Variants in LRRC7 observed in about 807,000 individuals in gnomAD.
LRRC7 encodes leucine-rich repeat-containing protein 7.
Under a neutral mutation model 175.7 loss-of-function variants are expected in LRRC7, and 23 were observed. The observed-to-expected ratio is 0.13, with a 90% confidence interval of 0.09 to 0.19. LRRC7 has a LOEUF of 0.19. Among genes scored for constraint, LRRC7 ranks in the 10% least tolerant of loss-of-function variants. LRRC7 has a pLI of 1.00. For missense variants in LRRC7, 1,354 were observed against 1,904.7 expected, an observed-to-expected ratio of 0.71 and a Z score of 5.38; for synonymous variants, 685 against 680.9, an observed-to-expected ratio of 1.01 and a Z score of -0.09.
chr1:69,705,047 G>A (rs949324177), intron 2 of LRRC7, among the ~76,000 whole-genome samples: 11 of 151,970 alleles, frequency 7.2e-5, no homozygotes, highest in African/African-American at 1.2e-4. Context: ...AATTATTTCT[G>A]TAAAATGTTT....
chr1:69,706,661 T>G (rs1271944387), intron 2 of LRRC7, among the ~76,000 whole-genome samples: 2 of 152,168 alleles, frequency 1.3e-5, no homozygotes, highest in Non-Finnish European at 2.9e-5. Context: ...GAGATAAGAT[T>G]TAATGATGCA....
At chr1:69,955,831 T>C (rs1385752540) in intron 8 of LRRC7, among the ~76,000 whole-genome samples, 2 of 151,966 alleles carry the variant, frequency 1.3e-5, no homozygotes, top group African/African-American at 4.8e-5. Flanking sequence ...ATAAATATTA[T>C]AATTTTACTA....
intron 4 of LRRC7, among the ~76,000 whole-genome samples, chr1:69,820,504 G>A (rs566177290): frequency 9.9e-5 from 15 of 152,040 alleles, no homozygotes; most frequent in Non-Finnish European, 2.1e-4. Context: ...TTCTCCTAAT[G>A]CTATCTCTTC....
Position 69,662,541 on chromosome 1 carries a change from A to T in LRRC7, c.3-15840A>T, listed in dbSNP as rs565670746. ...AAATGAGGAATTTTGTTTAGTTTCC[A>T]ACTGGACAGCACTTCACAAATCTTT... On this transcript the variant is annotated intron_variant, in intron 1 of 26. Coordinates refer to ENST00000651989, the MANE Select transcript of LRRC7 (RefSeq NM_001370785.2). 9.2e-5 allele frequency among the ~76,000 whole-genome samples: 14 copies of T among 152,292 alleles called. 1 individual carries two copies. In the South Asian group the frequency reaches 1.0e-3, roughly 11 times the overall value.
intron 7 of LRRC7, among the ~76,000 whole-genome samples, chr1:69,903,077 T>C (rs1034883046): frequency 2.0e-5 from 3 of 152,254 alleles, no homozygotes; most frequent in Non-Finnish European, 2.9e-5. Context: ...TGATAATCTT[T>C]ATGACAAATG....
intron 3 of LRRC7, among the ~76,000 whole-genome samples, chr1:69,782,886 G>T (rs1158780113): frequency 6.6e-6 from 1 of 152,136 alleles, no homozygotes; most frequent in Non-Finnish European, 1.5e-5. Context: ...TGTGTGTGTG[G>T]ATGCATGCAC....
chr1:69,917,421 CAGGT>C (rs1281563309), intron 7 of LRRC7, among the ~76,000 whole-genome samples: 1 of 152,110 alleles, frequency 6.6e-6, no homozygotes, highest in Non-Finnish European at 1.5e-5. Flanking sequence ...GTGCATTCCT[CAGGT>C]AGGCTAGTTT....
In LRRC7 at chr1:70,141,253, A is replaced by AGGAAATGGAAAT. The variant is rs1241481407; in HGVS notation, c.*19375_*19376insAATGGAAATGGA. On this transcript the variant is annotated 3_prime_UTR_variant, in exon 27 of 27. Coordinates refer to ENST00000651989, the MANE Select transcript of LRRC7 (RefSeq NM_001370785.2). ...AGGGTATGAAGCCTACTGAAAAATAAGGAAATGGAGCATGGAGAAAGAAAG... is the reference window on the plus strand; with the variant it reads ...AGGGTATGAAGCCTACTGAAAAATAAGGAAATGGAAATGGAAATGGAGCATGGAGAAAGAAAG... The AGGAAATGGAAAT allele has an allele frequency of 1.3e-5, 2 of 152,132 alleles. No homozygotes were observed. Among genetic ancestry groups the AGGAAATGGAAAT allele is most frequent in the Non-Finnish European group, 2.9e-5 (2 of 68,010 alleles). 9.4% of individuals were successfully genotyped at this position (152,132 alleles called of 1,614,324 possible). A position where few individuals can be genotyped will look rare whatever the true frequency, so the allele number is the denominator to read the frequency against.
At chr1:69,634,021 T>G (rs1570075414) in intron 1 of LRRC7, among the ~76,000 whole-genome samples, 1 of 152,114 alleles carries the variant, frequency 6.6e-6, no homozygotes, top group East Asian at 1.9e-4. Flanking sequence ...CTTTTCAACA[T>G]GTTAGAAGAA....
intron 2 of LRRC7, among the ~76,000 whole-genome samples, chr1:69,693,283 A>C (rs1662127103): frequency 1.3e-5 from 2 of 152,226 alleles, no homozygotes; most frequent in African/African-American, 4.8e-5. Flanking sequence ...TCTACTAAAA[A>C]AAAATTCATT....
At chr1:69,722,959 A>T (rs1235748277) in intron 2 of LRRC7, among the ~76,000 whole-genome samples, 1 of 152,038 alleles carries the variant, frequency 6.6e-6, no homozygotes, top group Non-Finnish European at 1.5e-5. Flanking sequence ...TCCCCAGCTT[A>T]AAATTTGATT....
In LRRC7 at chr1:69,722,138, C is replaced by CAT. The variant is rs36076590; in HGVS notation, c.101-38038_101-38037dup. The stretch of plus-strand genomic sequence containing the variant: ...TTTCACATATGTAAGCCTATGTACA[C>CAT]ATATATATATATATATTTTCTCCTT... On this transcript the variant is annotated intron_variant, in intron 2 of 26. Transcript: ENST00000651989. Among the ~76,000 whole-genome samples the CAT allele has an allele frequency of 9.5e-3, 1,425 of 150,748 alleles. 26 individuals are homozygous for CAT. The highest frequency in any genetic ancestry group is 0.031 in the African/African-American group (1,266 of 41,222).
chr1:70,074,412 C>CAATA (rs1436599536), intron 23 of LRRC7, among the ~76,000 whole-genome samples: 2 of 152,082 alleles, frequency 1.3e-5, no homozygotes, highest in Non-Finnish European at 2.9e-5. Context: ...GAAAAGGCTG[C>CAATA]AATATCTTCT....
intron 2 of LRRC7, among the ~76,000 whole-genome samples, chr1:69,718,468 C>T (rs1229122084): frequency 6.6e-6 from 1 of 151,776 alleles, no homozygotes; most frequent in African/African-American, 2.4e-5. Flanking sequence ...ACATAACATT[C>T]GTATGTCTCC....
At chr1:69,710,740 A>G (rs1664661776) in intron 2 of LRRC7, among the ~76,000 whole-genome samples, 1 of 152,160 alleles carries the variant, frequency 6.6e-6, no homozygotes, top group Non-Finnish European at 1.5e-5. Flanking sequence ...TTCCTATGAT[A>G]CAATGTGTAC....
intron 25 of LRRC7, among the ~76,000 whole-genome samples, chr1:70,100,091 C>A (rs1664705968): frequency 6.6e-6 from 1 of 151,938 alleles, no homozygotes; most frequent in South Asian, 2.1e-4. Flanking sequence ...ACAGACATCC[C>A]AGACATGTTT....
intron 10 of LRRC7, among the ~76,000 whole-genome samples, chr1:69,992,960 T>C (rs1245027267): frequency 1.3e-5 from 2 of 152,150 alleles, no homozygotes; most frequent in Non-Finnish European, 2.9e-5. Flanking sequence ...TTGAGTGATG[T>C]TGAGACCATC....
intron 23 of LRRC7, among the ~76,000 whole-genome samples, chr1:70,074,916 C>G (rs563945325): frequency 6.6e-6 from 1 of 152,122 alleles, no homozygotes; most frequent in Admixed American, 6.5e-5. Context: ...TAGTAATTAT[C>G]TTTTTATTAC....
At position 69,742,394 on chromosome 1, in the gene LRRC7, T is replaced by C. The variant is rs561738563; in HGVS notation, c.101-17797T>C. On this transcript the variant is annotated intron_variant, in intron 2 of 26. Transcript: ENST00000651989. ...ACATAGAATATTCAGTGAAAAGATT[T>C]GCAAACCAATAATTTTAGTGGCAAA... is the stretch of plus-strand genomic sequence containing the variant. Among the ~76,000 whole-genome samples, 20 of 152,128 alleles carry C rather than the reference T, an allele frequency of 1.3e-4. No homozygotes were observed. In the South Asian group the frequency reaches 2.9e-3, roughly 22 times the overall value.
Sources: allele counts gnomAD v4.1 joint callset (sites outside exome capture counted in the v4.1 genomes callset), GRCh38; gene constraint gnomAD v4.1.1; transcripts MANE v1.5; gene names NCBI Gene and HGNC (gene_info 2026-07-23, HGNC 2026-07-21).